Variants in MBD5 observed in about 807,000 individuals in gnomAD.
The protein encoded by MBD5 is methyl-CpG binding domain protein 5.
A neutral mutation model predicts 117.3 loss-of-function variants in MBD5; 13 were observed. That is an observed-to-expected ratio of 0.11 (90% confidence interval 0.07 to 0.18). MBD5 has a LOEUF of 0.18. Among genes scored for constraint, MBD5 ranks in the 10% least tolerant of loss-of-function variants. The pLI, the probability that MBD5 is intolerant of heterozygous loss-of-function variation, is 1.00. For missense variants in MBD5, 1,879 were observed against 2,093.8 expected (o/e 0.90, Z 2.00); for synonymous variants, 727 against 766.4 (o/e 0.95, Z 0.85).
chr2:148,483,031 TA>T, intron 8 of MBD5, 78 bp from the exon 9 acceptor site: 1 of 1,479,588 alleles, frequency 6.8e-7, no homozygotes, highest in Non-Finnish European at 9.2e-7. Flanking sequence ...AAATTTATGT[TA>T]ATGCATTTTT....
chr2:148,508,166 C>T (rs1682100481), intron 12 of MBD5, among the ~76,000 whole-genome samples: 1 of 152,130 alleles, frequency 6.6e-6, no homozygotes, highest in Non-Finnish European at 1.5e-5. Context: ...CAGAGTGCTC[C>T]CAGGAGCTTG....
intron 4 of MBD5, among the ~76,000 whole-genome samples, chr2:148,361,187 T>C (rs1416348728): frequency 6.6e-6 from 1 of 152,062 alleles, no homozygotes; most frequent in Non-Finnish European, 1.5e-5. Flanking sequence ...CAATCTCTAC[T>C]AAAAATACAA....
intron 8 of MBD5, among the ~76,000 whole-genome samples, chr2:148,476,322 G>A (rs981618877): frequency 6.6e-6 from 1 of 152,062 alleles, no homozygotes; most frequent in Admixed American, 6.6e-5. Context: ...CCCACAATAG[G>A]AAATTAACTT....
At chr2:148,376,059 A>G (rs1211647351) in intron 4 of MBD5, among the ~76,000 whole-genome samples, 1 of 150,782 alleles carries the variant, frequency 6.6e-6, no homozygotes, top group African/African-American at 2.4e-5. Context: ...CTAGATGCCA[A>G]TAGCATACAT....
rs773118482 is a variant in MBD5 at position 148,021,481 on chromosome 2, TTGCTGCTGCTGC to T, written c.-1123_-1112del. ...GCTGCTGTTGCTGCTGCTGCTGCTGTTGCTGCTGCTGCTGCTACTGCTGCTGCTGCTACTGCT... is the reference window on the plus strand; with the variant it reads ...GCTGCTGTTGCTGCTGCTGCTGCTGTTGCTACTGCTGCTGCTGCTACTGCT... On this transcript the variant is annotated 5_prime_UTR_variant, in exon 1 of 14. Transcript: ENST00000642680. 106 of 573,530 alleles carry T rather than the reference TTGCTGCTGCTGC, an allele frequency of 1.8e-4. No homozygotes were observed. The African/African-American group carries it at 1.9e-3, about 10-fold the overall frequency. The allele number at this position is 573,530 out of a possible 1,614,324, so 35.5% of individuals were successfully genotyped here.
chr2:148,258,262 G>T (rs1473299292), intron 3 of MBD5, among the ~76,000 whole-genome samples: 1 of 152,148 alleles, frequency 6.6e-6, no homozygotes, highest in Non-Finnish European at 1.5e-5. Context: ...ATGTATTCAG[G>T]TATGGGAGAA....
chr2:148,122,194 A>G (rs909051163), intron 1 of MBD5, among the ~76,000 whole-genome samples: 1 of 152,222 alleles, frequency 6.6e-6, no homozygotes, highest in Non-Finnish European at 1.5e-5. Context: ...GTAAAGATCC[A>G]GAGCCCTGCA....
At chr2:148,351,890 T>C (rs1703258686) in intron 4 of MBD5, among the ~76,000 whole-genome samples, 1 of 152,168 alleles carries the variant, frequency 6.6e-6, no homozygotes, top group Non-Finnish European at 1.5e-5. Flanking sequence ...AGTCTAAAAG[T>C]ATAATCTCTG....
intron 2 of MBD5, among the ~76,000 whole-genome samples, chr2:148,190,931 A>T (rs1255867052): frequency 1.4e-5 from 2 of 141,126 alleles, no homozygotes; most frequent in Non-Finnish European, 3.1e-5. Context: ...GCAAATGGAA[A>T]ACAAAAAAAG....
At chr2:148,051,201 C>T (rs1234424) in intron 1 of MBD5, among the ~76,000 whole-genome samples, 12,758 of 151,978 alleles carry the variant, frequency 0.084, 610 homozygotes, top group South Asian at 0.14. Context: ...GAATTGTTTT[C>T]TTAATTTCAT....
chr2:148,155,290 C>T (rs987149412), intron 1 of MBD5, among the ~76,000 whole-genome samples: 13 of 152,038 alleles, frequency 8.6e-5, no homozygotes, highest in African/African-American at 3.1e-4. Context: ...AAGACTGTTA[C>T]AGGATGAGGA....
chr2:148,041,456 C>T (rs946933414), intron 1 of MBD5: 2 of 152,124 alleles, frequency 1.3e-5, no homozygotes, highest in Non-Finnish European at 2.9e-5. Flanking sequence ...GTTAGAAGTT[C>T]AGGAAAGTAA....
chr2:148,301,556 A>G (rs775570360), intron 3 of MBD5, among the ~76,000 whole-genome samples: 2 of 152,200 alleles, frequency 1.3e-5, no homozygotes, highest in Non-Finnish European at 2.9e-5. Context: ...AAGAGGGCCA[A>G]ACAGGTGATT....
chr2:148,506,379 A>G (rs1682032948), intron 12 of MBD5, among the ~76,000 whole-genome samples: 1 of 152,232 alleles, frequency 6.6e-6, no homozygotes, highest in African/African-American at 2.4e-5. Flanking sequence ...TGAAGCTGGA[A>G]AACAATAAAG....
intron 1 of MBD5, among the ~76,000 whole-genome samples, chr2:148,073,661 T>C (rs1377010786): frequency 2.0e-5 from 3 of 152,212 alleles, no homozygotes; most frequent in Admixed American, 2.0e-4. Flanking sequence ...TTCTAGGAAA[T>C]GACCATGGAA....
At position 148,469,975 on chromosome 2, in the gene MBD5, T is replaced by C; in HGVS notation, c.2032T>C (p.Ser678Pro). Residue 678 changes from serine (S) to proline (P), a missense_variant, in exon 8 of 14, where the codon TCT (serine) becomes CCT (proline). Around this residue, in one of 4 missense-constraint regions of MBD5, gnomAD observed 1,666 missense variants for 1,792.2 expected, o/e 0.93. Coordinates refer to ENST00000642680, the MANE Select transcript of MBD5 (RefSeq NM_001378120.1). ...SLLRQSQMDS[S>P]AVPKPGPDLL... ...GCTCAGACAGTCTCAAATGGATAGT[T>C]CTGCAGTTCCTAAACCTGGACCTGA... is the stretch of plus-strand genomic sequence containing the variant. 1 of 1,613,940 alleles carries C rather than the reference T, an allele frequency of 6.2e-7. No homozygotes were observed. Among genetic ancestry groups the C allele is most frequent in the Non-Finnish European group, 8.5e-7 (1 of 1,179,882 alleles).
Position 148,389,290 on chromosome 2 carries a change from ATATATATATATAT to A in MBD5, c.-557+46955_-557+46967del, listed in dbSNP as rs1559051010. 3.5e-4 allele frequency among the ~76,000 whole-genome samples: 38 copies of A among 108,202 alleles called. 1 individual carries two copies. The East Asian group carries it at 5.3e-3, about 15-fold the overall frequency. 71.0% of individuals were successfully genotyped at this position (108,202 alleles called of 152,430 possible). A position where few individuals can be genotyped will look rare whatever the true frequency, so the allele number is the denominator to read the frequency against. On this transcript the variant is annotated intron_variant, in intron 4 of 13. Transcript: ENST00000642680. ...TATATATATATATATATATATATAT[ATATATATATATAT>A]AACATTTTCTTTATCCAACCCAACC...
At chr2:148,333,337 A>T (rs1033169398) in intron 3 of MBD5, among the ~76,000 whole-genome samples, 1 of 152,106 alleles carries the variant, frequency 6.6e-6, no homozygotes, top group Non-Finnish European at 1.5e-5. Flanking sequence ...CTGCTGTTTT[A>T]TCCAGGAACC....
chr2:148,491,492 T>A (rs890869275), intron 11 of MBD5, among the ~76,000 whole-genome samples: 8 of 152,052 alleles, frequency 5.3e-5, no homozygotes, highest in African/African-American at 1.9e-4. Context: ...TACAGGTATA[T>A]GTTATTCTCG....
Sources: allele counts gnomAD v4.1 joint callset (sites outside exome capture counted in the v4.1 genomes callset), GRCh38; gene constraint gnomAD v4.1.1; regional missense constraint gnomAD v4.1.1; transcripts MANE v1.5; gene names NCBI Gene and HGNC (gene_info 2026-07-23, HGNC 2026-07-21).